Variants in AMN observed in about 807,000 individuals in gnomAD.
The protein encoded by AMN is protein amnionless.
Under a neutral mutation model 49.1 loss-of-function variants are expected in AMN, and 40 were observed. The ratio of observed to expected loss-of-function variants is 0.81; its 90% CI spans 0.63 to 1.06. AMN has a LOEUF of 1.06. AMN is among the 50% of genes least tolerant of loss of function. The pLI, the probability that AMN is intolerant of heterozygous loss-of-function variation, is 0.00. For missense variants in AMN, 701 were observed against 662.8 expected, an observed-to-expected ratio of 1.06 and a Z score of -0.63; for synonymous variants, 380 against 313.3, an observed-to-expected ratio of 1.21 and a Z score of -2.25.
Position 102,930,721 on chromosome 14 carries a change from C to G in AMN, c.*41C>G, listed in dbSNP as rs753937288. ...TCGACCTTGGGGCTCTCCACCCGCT[C>G]TGGCCCCAGTCGAACTGGGGGCTAG... On this transcript the variant is annotated 3_prime_UTR_variant, in exon 12 of 12. Transcript: ENST00000299155. The G allele has an allele frequency of 6.5e-7, 1 of 1,540,812 alleles. No individual in the cohort carries two copies. The highest frequency in any genetic ancestry group is 8.8e-7 in the Non-Finnish European group (1 of 1,141,464).
chr14:102,924,350 C>T (rs1430494326), intron 3 of AMN, among the ~76,000 whole-genome samples: 1 of 151,868 alleles, frequency 6.6e-6, no homozygotes, highest in Non-Finnish European at 1.5e-5. Flanking sequence ...CCCCAACACC[C>T]CCCCCTCTAC....
chr14:102,925,042 C>T (rs928170760), intron 3 of AMN, among the ~76,000 whole-genome samples: 8 of 152,222 alleles, frequency 5.3e-5, no homozygotes, highest in Non-Finnish European at 7.3e-5. Flanking sequence ...CCCATTGCAT[C>T]GGCAGCCCAC....
In AMN at chr14:102,928,886, GTCT is replaced by G; in HGVS notation, c.429_431del (p.Phe144del). ...GCGCGTGCCCTGCCGCCACGACGAC[GTCT>G]TCTTTCCGCCTAGTGCCTCCTTCCG... is the stretch of plus-strand genomic sequence containing the variant. On this transcript the variant is annotated inframe_deletion, in exon 5 of 12. Coordinates refer to ENST00000299155, the MANE Select transcript of AMN (RefSeq NM_030943.4). The G allele has an allele frequency of 2.5e-6, 4 of 1,603,892 alleles. No homozygotes were observed. Among genetic ancestry groups the G allele is most frequent in the Non-Finnish European group, 3.4e-6 (4 of 1,179,762 alleles).
rs1891285472 is a variant in AMN at position 102,929,657 on chromosome 14, G to C, written c.763G>C (p.Ala255Pro). Residue 255 changes from alanine (A) to proline (P), a missense_variant and splice_region_variant, in exon 8 of 12, where the codon GCC becomes CCC. By Grantham distance (27) the Ala-to-Pro change is conservative. Transcript: ENST00000299155. ...TGACCCCTGCCCTCCCGCCGCAGGA[G>C]CCGTTGTGTTGCTGACCCACGGCCC... The part of the protein sequence containing the change: ...PQGQCCDLCG[A>P]VVLLTHGPAF... 1 of 1,549,314 alleles carries C rather than the reference G, an allele frequency of 6.5e-7. No homozygotes were observed. Among genetic ancestry groups the C allele is most frequent in the Admixed American group, 2.0e-5 (1 of 51,028 alleles).
At chr14:102,929,573 C>T in intron 7 of AMN, 37 bp downstream of exon 7, 1 of 1,544,400 alleles carries the variant, frequency 6.5e-7, no homozygotes, top group Non-Finnish European at 8.7e-7. Context: ...GCTGGGAAGG[C>T]CTGGAGGACC....
intron 1 of AMN, chr14:102,923,185 G>A: frequency 4.3e-6 from 1 of 234,984 alleles, no homozygotes; most frequent in Non-Finnish European, 8.5e-6. Flanking sequence ...ACCCCTCGCG[G>A]CTCCCTCAGG....
intron 1 of AMN, 145 bp from the exon 2 acceptor site, chr14:102,923,566 G>T (rs111872449): frequency 3.4e-5 from 27 of 785,786 alleles, no homozygotes; most frequent in Admixed American, 5.7e-5. Context: ...AGGGACCAGG[G>T]TCTGGGTCCG....
intron 3 of AMN, among the ~76,000 whole-genome samples, chr14:102,927,465 CCCACGGCT>C (rs1479761016): frequency 2.0e-5 from 3 of 152,238 alleles, no homozygotes; most frequent in Admixed American, 2.0e-4. Context: ...ACATTCCGTC[CCCACGGCT>C]CCACCTCTGC....
In AMN at chr14:102,930,186, A is replaced by G; in HGVS notation, c.1028A>G (p.Glu343Gly). The G allele has an allele frequency of 2.7e-6, 4 of 1,482,422 alleles. No homozygotes were observed. Among genetic ancestry groups the G allele is most frequent in the Non-Finnish European group, 3.6e-6 (4 of 1,123,452 alleles). 91.8% of individuals were successfully genotyped at this position (1,482,422 alleles called of 1,614,324 possible). The change falls in exon 10 of 12, where the codon GAG becomes GGG. Residue 343 changes from glutamate to glycine, a missense_variant. Glu to Gly is a moderately conservative substitution (Grantham distance 98). Coordinates refer to ENST00000299155, the MANE Select transcript of AMN (RefSeq NM_030943.4). ...AENGEALGVL[E>G]ATMRESGAHV... ...GCAGGCGAGGCCCTCGGCGTCCTGG[A>G]GGCGACCATGCGGGAGTCGGGCGCA...
At chr14:102,924,144 A>T (rs942125544) in intron 3 of AMN, among the ~76,000 whole-genome samples, 165 bp downstream of exon 3, 1 of 151,870 alleles carries the variant, frequency 6.6e-6, no homozygotes. Flanking sequence ...GTGGGGGGGA[A>T]CCTAGGGGAG....
At chr14:102,925,623 T>C (rs1010699497) in intron 3 of AMN, among the ~76,000 whole-genome samples, 35 of 152,124 alleles carry the variant, frequency 2.3e-4, no homozygotes, top group African/African-American at 7.7e-4. Flanking sequence ...GGCATGGATT[T>C]CCCCCTACTC....
In AMN at chr14:102,923,846, G is replaced by C; in HGVS notation, c.162+17G>C. 1.2e-6 allele frequency: 2 copies of C among 1,612,564 alleles called. No individual in the cohort carries two copies. The highest frequency in any genetic ancestry group is 1.7e-6 in the Non-Finnish European group (2 of 1,179,764). On this transcript the variant is annotated intron_variant, in intron 2 of 11. Transcript: ENST00000299155. ...GCGGACAAGGTGCCTGGGAGCGCCG[G>C]CGGGGTCGGTGATGGGCCTGGACCC...
Position 102,930,194 on chromosome 14 carries a change from A to T in AMN, c.1036A>T (p.Met346Leu), listed in dbSNP as rs1215795347. ...GGCCCTCGGCGTCCTGGAGGCGACC[A>T]TGCGGGAGTCGGGCGCACACGTCTG... ...GEALGVLEAT[M>L]RESGAHVWGS... The change falls in exon 10 of 12, where the codon ATG becomes TTG. Residue 346 changes from methionine to leucine, a missense_variant. Transcript: ENST00000299155. 1.7e-5 allele frequency: 25 copies of T among 1,477,874 alleles called. No individual in the cohort carries two copies. The East Asian group carries it at 6.3e-4, about 37-fold the overall frequency. The allele number at this position is 1,477,874 out of a possible 1,614,324, so 91.5% of individuals were successfully genotyped here.
intron 9 of AMN, 31 bp downstream of exon 9, chr14:102,930,117 G>T: frequency 1.3e-6 from 2 of 1,506,226 alleles, no homozygotes; most frequent in Non-Finnish European, 1.8e-6. Flanking sequence ...CCGCCCCGCC[G>T]CGCCTCGCCC....
At chr14:102,926,584 A>ATTT (rs11323567) in intron 3 of AMN, among the ~76,000 whole-genome samples, 6 of 136,822 alleles carry the variant, frequency 4.4e-5, no homozygotes, top group East Asian at 2.1e-4. Context: ...AAAACCCTGG[A>ATTT]TTTTTTTTTT....
In AMN at chr14:102,930,218, TG is replaced by T. The variant is rs1300546376; in HGVS notation, c.1064del (p.Gly355AlafsTer59). 1 of 1,434,848 alleles carries T rather than the reference TG, an allele frequency of 7.0e-7. No individual in the cohort carries two copies. Among genetic ancestry groups the T allele is most frequent in the Non-Finnish European group, 9.1e-7 (1 of 1,098,100 alleles). The allele number at this position is 1,434,848 out of a possible 1,614,324, so 88.9% of individuals were successfully genotyped here. ...CATGCGGGAGTCGGGCGCACACGTC[TG>T]GGGCAGCTCCGCGGCTGGGCTGGCG... ...ATMRESGAHV[W>X]GSSAAGLAGG... On this transcript the variant is annotated frameshift_variant, in exon 10 of 12. Coordinates refer to ENST00000299155, the MANE Select transcript of AMN (RefSeq NM_030943.4). LOFTEE classifies it high-confidence loss of function.
In AMN at chr14:102,923,597, C is replaced by T; in HGVS notation, c.44-114C>T. 9.1e-6 allele frequency: 9 copies of T among 992,130 alleles called. No individual in the cohort carries two copies. In the South Asian group the frequency reaches 1.2e-4, roughly 13 times the overall value. 61.5% of individuals were successfully genotyped at this position (992,130 alleles called of 1,614,324 possible). On this transcript the variant is annotated intron_variant, in intron 1 of 11. Transcript: ENST00000299155. ...GTCCGGGCCCCCGGGGATGGGGTTCCTATGCGTCCCGGGTGATCCGCGCGG... is the reference window on the plus strand; with the variant it reads ...GTCCGGGCCCCCGGGGATGGGGTTCTTATGCGTCCCGGGTGATCCGCGCGG...
At chr14:102,923,656 C>A in intron 1 of AMN, 55 bp from the exon 2 acceptor site, 1 of 1,514,500 alleles carries the variant, frequency 6.6e-7, no homozygotes, top group South Asian at 1.1e-5. Context: ...GTGGCCTTCC[C>A]TGAGAAGGGA....
chr14:102,928,532 G>T lies in AMN; in HGVS notation c.295+19G>T. On this transcript the variant is annotated intron_variant, in intron 4 of 11. Coordinates refer to ENST00000299155, the MANE Select transcript of AMN (RefSeq NM_030943.4). ...GGCGCGGGTGAGGCGGTCGGGCAGGGGCGGGGCTCTGGAAAGGCATGTTCA... is the reference window on the plus strand; with the variant it reads ...GGCGCGGGTGAGGCGGTCGGGCAGGTGCGGGGCTCTGGAAAGGCATGTTCA... The T allele has an allele frequency of 6.3e-7, 1 of 1,597,328 alleles. No homozygotes were observed.
Sources: gnomAD v4.1 joint callset for allele counts (sites outside exome capture counted in the v4.1 genomes callset) on GRCh38, gnomAD v4.1.1 for gene constraint, MANE v1.5 for transcripts, NCBI Gene and HGNC (gene_info 2026-07-23, HGNC 2026-07-21) for gene names.